PBX4: variants seen among roughly 807,000 people sequenced by gnomAD.
PBX4 encodes the protein pre-B-cell leukemia transcription factor 4.
PBX4 carries 26 observed loss-of-function variants against 35.1 expected under a neutral mutation model. The observed-to-expected ratio is 0.74, with a 90% CI of 0.54 to 1.03. PBX4 has a LOEUF of 1.03. PBX4 is among the 50% of genes least tolerant of loss of function. The pLI is 0.00. For missense variants in PBX4, 448 were observed against 504.3 expected, an observed-to-expected ratio of 0.89 and a Z score of 1.07; for synonymous variants, 199 against 204.2, an observed-to-expected ratio of 0.97 and a Z score of 0.22.
chr19:19,582,907 G>A (rs754445860), intron 2 of PBX4, among the ~76,000 whole-genome samples: 1 of 152,208 alleles, frequency 6.6e-6, no homozygotes, highest in Non-Finnish European at 1.5e-5. Context: ...GTGGGGCACC[G>A]AAGAAGTGAG....
chr19:19,564,939 T>C lies in PBX4; in HGVS notation c.919A>G (p.Ser307Gly), dbSNP rs1489137480. The change falls in exon 6 of 8, where the codon AGC (serine) becomes GGC (glycine). Residue 307 changes from serine (S) to glycine (G), a missense_variant. Ser to Gly is a moderately conservative substitution (Grantham distance 56). Coordinates refer to ENST00000251203, the MANE Select transcript of PBX4 (RefSeq NM_025245.3). ...CTGGGCCAGCCTCACTCACCGGAGC[T>C]AGGTGTTGACAGGCAGCTGGCGTGG... ...GNHASCLSTP[S>G]SGSSGPFPLP... 4 of 1,614,244 alleles carry C rather than the reference T, an allele frequency of 2.5e-6. No individual in the cohort carries two copies. The highest frequency in any genetic ancestry group is 3.4e-6 in the Non-Finnish European group (4 of 1,180,028).
At chr19:19,583,723 G>C (rs1274806614) in intron 2 of PBX4, among the ~76,000 whole-genome samples, 1 of 152,062 alleles carries the variant, frequency 6.6e-6, no homozygotes, top group Non-Finnish European at 1.5e-5. Flanking sequence ...CTGGGGTTGG[G>C]GGGAATCACC....
At chr19:19,613,561 C>T (rs1024978279) in intron 1 of PBX4, among the ~76,000 whole-genome samples, 7 of 152,090 alleles carry the variant, frequency 4.6e-5, no homozygotes, top group Non-Finnish European at 8.8e-5. Context: ...TGCAGCAGCC[C>T]TGGGGCTGTG....
intron 2 of PBX4, among the ~76,000 whole-genome samples, chr19:19,588,761 C>T (rs993172145): frequency 3.9e-5 from 6 of 152,160 alleles, no homozygotes; most frequent in Non-Finnish European, 7.3e-5. Flanking sequence ...AACCAATTCC[C>T]AGCCTGCGAA....
intron 2 of PBX4, among the ~76,000 whole-genome samples, chr19:19,592,341 A>G (rs2061533938): frequency 6.6e-6 from 1 of 152,158 alleles, no homozygotes; most frequent in Non-Finnish European, 1.5e-5. Flanking sequence ...GCTCCTCTAG[A>G]CACCGAGGAG....
intron 1 of PBX4, among the ~76,000 whole-genome samples, chr19:19,604,466 C>CAAAAA (rs753893364): frequency 2.8e-5 from 2 of 72,102 alleles, no homozygotes; most frequent in Non-Finnish European, 4.7e-5. Context: ...GATTCCATCT[C>CAAAAA]AAAAAAAAAA....
intron 1 of PBX4, among the ~76,000 whole-genome samples, chr19:19,617,552 G>A (rs1016682832): frequency 1.3e-5 from 2 of 152,266 alleles, no homozygotes; most frequent in East Asian, 1.9e-4. Context: ...CTAAAGTGCT[G>A]TGATTAGAGA....
chr19:19,618,573 C>G lies in PBX4; in HGVS notation c.57G>C (p.Thr19=). 1 of 1,344,438 alleles carries G rather than the reference C, an allele frequency of 7.4e-7. No homozygotes were observed. The allele number at this position is 1,344,438 out of a possible 1,614,324, so 83.3% of individuals were successfully genotyped here. The part of the protein sequence containing the change: ...PSPPAPRRLD[T]SDVLQQIMAI... Reference sequence around the variant, plus strand: ...CCATGATCTGCTGCAGGACGTCGCTCGTGTCGAGGCGCCGCGGGGCGGGGG... The same window carrying G: ...CCATGATCTGCTGCAGGACGTCGCTGGTGTCGAGGCGCCGCGGGGCGGGGG... Residue 19 remains threonine, a synonymous_variant, in exon 1 of 8, where the codon ACG becomes ACC. Transcript: ENST00000251203.
intron 1 of PBX4, among the ~76,000 whole-genome samples, chr19:19,599,837 G>A (rs2061585524): frequency 6.7e-6 from 1 of 150,196 alleles, no homozygotes; most frequent in South Asian, 2.1e-4. Context: ...GTTGGGCATG[G>A]TGGTGCCCAC....
chr19:19,563,578 G>A lies in PBX4; in HGVS notation c.963C>T (p.Asp321=), dbSNP rs770188527. Residue 321 remains aspartate (D), a synonymous_variant, in exon 7 of 8, where the codon GAC becomes GAT. Coordinates refer to ENST00000251203, the MANE Select transcript of PBX4 (RefSeq NM_025245.3). The surrounding 1 kb of genome is among the most constrained non-coding windows in gnomAD (Gnocchi z 5.1). ...SGPFPLPSAG[D]AFLTLRTLAS... The stretch of plus-strand genomic sequence containing the variant: ...CCAGAGTCCGCAGGGTGAGGAAGGC[G>A]TCCCCAGCGCTGGGCAGCGGGAAGG... 39 of 1,550,380 alleles carry A rather than the reference G, an allele frequency of 2.5e-5. No homozygotes were observed. Among genetic ancestry groups the A allele is most frequent in the Admixed American group, 1.2e-4 (6 of 50,984 alleles).
At chr19:19,598,083 C>T (rs907840192) in intron 2 of PBX4, among the ~76,000 whole-genome samples, 3 of 152,040 alleles carry the variant, frequency 2.0e-5, no homozygotes, top group Non-Finnish European at 4.4e-5. Context: ...CTAAATACAA[C>T]GTGGGATTCA....
intron 1 of PBX4, 104 bp downstream of exon 1, chr19:19,618,407 C>T (rs544473108): frequency 7.8e-4 from 871 of 1,115,006 alleles, no homozygotes; most frequent in Non-Finnish European, 8.8e-4. Context: ...CTCCAGCCCT[C>T]CTCAAGCGCC....
At chr19:19,601,681 T>A (rs2061598173) in intron 1 of PBX4, among the ~76,000 whole-genome samples, 1 of 151,960 alleles carries the variant, frequency 6.6e-6, no homozygotes, top group Admixed American at 6.6e-5. Flanking sequence ...GTCATGATGA[T>A]GTAAGGGTTG....
At chr19:19,584,444 AG>A (rs1568386669) in intron 2 of PBX4, among the ~76,000 whole-genome samples, 1 of 151,980 alleles carries the variant, frequency 6.6e-6, no homozygotes, top group African/African-American at 2.4e-5. Flanking sequence ...GAAACTCGGG[AG>A]GGGGACAGAC....
In PBX4 at chr19:19,618,665, G is replaced by C; in HGVS notation, c.-36C>G. ...GCCGGGCGGGCGCTGTGAGGGTGCC[G>C]TCGAGCCTGGAGCACTACCACTGGC... On this transcript the variant is annotated 5_prime_UTR_variant, in exon 1 of 8. Coordinates refer to ENST00000251203, the MANE Select transcript of PBX4 (RefSeq NM_025245.3). 1 of 1,193,318 alleles carries C rather than the reference G, an allele frequency of 8.4e-7. No individual in the cohort carries two copies. The highest frequency in any genetic ancestry group is 1.0e-6 in the Non-Finnish European group (1 of 963,448). 73.9% of individuals were successfully genotyped at this position (1,193,318 alleles called of 1,614,324 possible). A position where few individuals can be genotyped will look rare whatever the true frequency, so the allele number is the denominator to read the frequency against.
At chr19:19,579,150 A>G (rs1359951660) in intron 2 of PBX4, among the ~76,000 whole-genome samples, 1 of 152,136 alleles carries the variant, frequency 6.6e-6, no homozygotes, top group Non-Finnish European at 1.5e-5. Context: ...ATAGATCGAG[A>G]CCATCCTGGC....
intron 1 of PBX4, among the ~76,000 whole-genome samples, chr19:19,610,305 C>T (rs769096596): frequency 4.0e-5 from 6 of 151,854 alleles, no homozygotes; most frequent in African/African-American, 1.5e-4. Context: ...CCCAGCTACT[C>T]GGAAGGCTGA....
chr19:19,575,101 G>C (rs1338463100), intron 2 of PBX4, among the ~76,000 whole-genome samples: 1 of 152,102 alleles, frequency 6.6e-6, no homozygotes, highest in Non-Finnish European at 1.5e-5. Context: ...GCCAGGCGTG[G>C]TGGCGGGTGC....
intron 2 of PBX4, among the ~76,000 whole-genome samples, chr19:19,596,235 T>C (rs748405965): frequency 2.0e-5 from 3 of 151,756 alleles, no homozygotes; most frequent in Non-Finnish European, 2.9e-5. Flanking sequence ...CTACTAAAAA[T>C]ACAAAATTAG....
Sources: gnomAD v4.1 joint callset for allele counts (sites outside exome capture counted in the v4.1 genomes callset) on GRCh38, gnomAD v4.1.1 for gene constraint, Gnocchi (gnomAD v3.1) non-coding constraint, MANE v1.5 for transcripts, NCBI Gene and HGNC (gene_info 2026-07-23, HGNC 2026-07-21) for gene names.